The following LOXHD1 variants were observed in gnomAD, a reference collection of about 807,000 sequenced individuals.
The protein encoded by LOXHD1 is lipoxygenase homology PLAT domains 1, also known as lipoxygenase homology domain-containing protein 1.
LOXHD1 carries 205 observed loss-of-function variants against 248.2 expected under a neutral mutation model. The observed-to-expected ratio is 0.83, with a 90% confidence interval of 0.74 to 0.93. The LOEUF (loss-of-function observed/expected upper bound fraction) is 0.93. LOXHD1 is among the 40% of genes least tolerant of loss of function. The probability of loss-of-function intolerance (pLI) is 0.00; values close to 1 mark genes in which losing one functional copy is unlikely to be tolerated. For missense variants in LOXHD1, 2,930 were observed against 2,971.6 expected (o/e 0.99, Z 0.33); for synonymous variants, 1,113 against 1,162.8 (o/e 0.96, Z 0.87).
intron 37 of LOXHD1, among the ~76,000 whole-genome samples, chr18:46,490,286 C>A (rs1289187988): frequency 6.6e-6 from 1 of 152,146 alleles, no homozygotes; most frequent in Non-Finnish European, 1.5e-5. Flanking sequence ...TTGCAGTCAC[C>A]CAGATCGCAG....
At chr18:46,561,622 C>A (rs2037531620) in intron 18 of LOXHD1, among the ~76,000 whole-genome samples, 1 of 152,208 alleles carries the variant, frequency 6.6e-6, no homozygotes, top group Non-Finnish European at 1.5e-5. Context: ...CCCATGAGTT[C>A]CACAGTGTCC....
intron 17 of LOXHD1, among the ~76,000 whole-genome samples, chr18:46,564,738 G>T (rs1314994729): frequency 1.3e-5 from 2 of 152,078 alleles, no homozygotes; most frequent in Non-Finnish European, 2.9e-5. Flanking sequence ...TTCCAGTGTT[G>T]ATTTATAAAA....
chr18:46,526,671 G>A (rs1412965681), intron 29 of LOXHD1, among the ~76,000 whole-genome samples: 1 of 152,226 alleles, frequency 6.6e-6, no homozygotes, highest in Non-Finnish European at 1.5e-5. Flanking sequence ...CCCATGGGGA[G>A]CCTTTGCAGG....
At chr18:46,624,554 GT>G (rs1022237243) in intron 4 of LOXHD1, among the ~76,000 whole-genome samples, 1 of 152,152 alleles carries the variant, frequency 6.6e-6, no homozygotes, top group Non-Finnish European at 1.5e-5. Context: ...CCCCCAAAAG[GT>G]TTCCTCTTCC....
At chr18:46,566,053 A>G (rs1371465448) in intron 17 of LOXHD1, among the ~76,000 whole-genome samples, 2 of 152,202 alleles carry the variant, frequency 1.3e-5, no homozygotes, top group Admixed American at 6.5e-5. Context: ...TTGGGTCCTC[A>G]GTTTCCTCAT....
intron 2 of LOXHD1, 122 bp downstream of exon 2, chr18:46,649,033 C>A: frequency 1.3e-6 from 1 of 786,436 alleles, no homozygotes; most frequent in Non-Finnish European, 2.2e-6. Context: ...AGGCTTCATA[C>A]CACTTAATAA....
chr18:46,565,753 T>C lies in LOXHD1; in HGVS notation c.2437+504A>G, dbSNP rs568417106. On this transcript the variant is annotated intron_variant, in intron 17 of 40. Transcript: ENST00000642948. ...TATATAAATAGTTGTTATACTGTACTGTTAGGGAATAATGACAAGGAAAAA... is the reference window on the plus strand; with the variant it reads ...TATATAAATAGTTGTTATACTGTACCGTTAGGGAATAATGACAAGGAAAAA... Among the ~76,000 whole-genome samples the C allele has an allele frequency of 3.3e-5, 5 of 152,360 alleles. No homozygotes were observed. The East Asian group carries it at 9.6e-4, about 29-fold the overall frequency.
chr18:46,577,726 C>A lies in LOXHD1; in HGVS notation c.1951G>T (p.Val651Leu), dbSNP rs769377709. The change falls in exon 14 of 41, where the codon GTG becomes TTG. Residue 651 changes from valine (V) to leucine (L), a missense_variant. Physicochemically the swap from Val to Leu is conservative, Grantham distance 32. Transcript: ENST00000642948. ...REEGQPESDN[V>L]EFPCLRWLDK... The stretch of plus-strand genomic sequence containing the variant: ...ATGTACCTGAGACATGGGAACTCCA[C>A]GTTGTCGCTCTCAGGCTGCCCCTCC... The A allele has an allele frequency of 6.4e-7, 1 of 1,551,474 alleles. No homozygotes were observed. The highest frequency in any genetic ancestry group is 8.7e-7 in the Non-Finnish European group (1 of 1,146,818).
At chr18:46,501,609 A>G (rs35692390) in intron 37 of LOXHD1, among the ~76,000 whole-genome samples, 1,655 of 152,334 alleles carry the variant, frequency 0.011, 16 homozygotes, top group South Asian at 0.027. Flanking sequence ...AAACAGAAAC[A>G]CACATAAAAC....
chr18:46,508,662 G>C (rs2034743980), intron 35 of LOXHD1, among the ~76,000 whole-genome samples: 1 of 152,228 alleles, frequency 6.6e-6, no homozygotes. Context: ...AGGAGGACTG[G>C]CACAACACAC....
At chr18:46,478,721 A>G (rs1237249743) in intron 40 of LOXHD1, among the ~76,000 whole-genome samples, 1 of 152,044 alleles carries the variant, frequency 6.6e-6, no homozygotes, top group Non-Finnish European at 1.5e-5. Flanking sequence ...GAGACAGGGT[A>G]TCAATTTGCT....
At position 46,524,581 on chromosome 18, in the gene LOXHD1, G is replaced by T. The variant is rs1317866304; in HGVS notation, c.4761C>A (p.Ser1587Arg). The T allele has an allele frequency of 2.6e-6, 4 of 1,551,724 alleles. No individual in the cohort carries two copies. In the East Asian group the frequency reaches 9.8e-5, roughly 38 times the overall value. ...AGTCAGCAGGGCTGCTGCAGTTGCTGCTGCGGTCCCCAGTGTACTCCTGTG... is the reference window on the plus strand; with the variant it reads ...AGTCAGCAGGGCTGCTGCAGTTGCTTCTGCGGTCCCCAGTGTACTCCTGTG... The part of the protein sequence containing the change: ...FYEKEYTGDR[S>R]SNCSSPADFW... The change falls in exon 31 of 41, where the codon AGC becomes AGA. Residue 1587 changes from serine (S) to arginine (R), a missense_variant. By Grantham distance (110) the Ser-to-Arg change is moderately radical (BLOSUM62 -1). Coordinates refer to ENST00000642948, the MANE Select transcript of LOXHD1 (RefSeq NM_001384474.1).
intron 18 of LOXHD1, 127 bp from the exon 19 acceptor site, chr18:46,560,672 G>T: frequency 2.3e-6 from 2 of 862,756 alleles, no homozygotes; most frequent in South Asian, 1.8e-5. Context: ...GAGGGCTGGG[G>T]CCTCTGTGCT....
Position 46,593,697 on chromosome 18 carries a change from A to G in LOXHD1, c.1334T>C (p.Ile445Thr). 6.4e-7 allele frequency: 1 copy of G among 1,552,244 alleles called. No individual in the cohort carries two copies. The highest frequency in any genetic ancestry group is 1.2e-5 in the South Asian group (1 of 84,058). Reference sequence around the variant, plus strand: ...CTTCTGCCCATAAATCTGGATGAAGATGGGAGAGTTGGTACCAGCTTTCTT... The same window carrying G: ...CTTCTGCCCATAAATCTGGATGAAGGTGGGAGAGTTGGTACCAGCTTTCTT... The part of the protein sequence containing the change: ...DLKKAGTNSP[I>T]FIQIYGQKGR... The change falls in exon 10 of 41, where the codon ATC becomes ACC. Residue 445 changes from isoleucine (I) to threonine (T), a missense_variant. Ile to Thr is a moderately conservative substitution (Grantham distance 89). Transcript: ENST00000642948.
intron 26 of LOXHD1, 112 bp from the exon 27 acceptor site, chr18:46,534,563 C>G: frequency 1.3e-6 from 1 of 766,840 alleles, no homozygotes; most frequent in Non-Finnish European, 2.3e-6. Flanking sequence ...TGCATTTCCT[C>G]CTGATACGTC....
chr18:46,548,698 G>C (rs1037497794), intron 21 of LOXHD1, among the ~76,000 whole-genome samples: 4 of 152,182 alleles, frequency 2.6e-5, no homozygotes, highest in African/African-American at 9.7e-5. Flanking sequence ...GCTGGGGTCA[G>C]AGCAGAGGTG....
chr18:46,575,676 G>A (rs565644022), intron 14 of LOXHD1, among the ~76,000 whole-genome samples: 1 of 152,218 alleles, frequency 6.6e-6, no homozygotes, highest in Non-Finnish European at 1.5e-5. Context: ...CCTTCTGAGG[G>A]GTGCAGCCTG....
intron 4 of LOXHD1, among the ~76,000 whole-genome samples, chr18:46,623,587 C>T (rs1215902416): frequency 6.6e-6 from 1 of 152,254 alleles, no homozygotes; most frequent in Non-Finnish European, 1.5e-5. Flanking sequence ...CATGCCCTGA[C>T]ATGCCCTGTT....
intron 4 of LOXHD1, among the ~76,000 whole-genome samples, chr18:46,630,277 T>C (rs1023987796): frequency 1.3e-5 from 2 of 152,238 alleles, no homozygotes; most frequent in African/African-American, 4.8e-5. Context: ...ATGGCCAAGC[T>C]GGTGGAGCCT....
Sources: gnomAD v4.1 joint callset for allele counts (sites outside exome capture counted in the v4.1 genomes callset) on GRCh38, gnomAD v4.1.1 for gene constraint, MANE v1.5 for transcripts, NCBI Gene and HGNC (gene_info 2026-07-23, HGNC 2026-07-21) for gene names.